TAGLN3: variants seen among roughly 807,000 people sequenced by gnomAD.
TAGLN3 encodes transgelin-3.
In TAGLN3, 12 loss-of-function variants were observed where a neutral mutation model predicts 25.4. That is an observed-to-expected ratio of 0.47 (90% CI 0.30 to 0.77). TAGLN3 has a LOEUF of 0.77. Ranked by LOEUF, TAGLN3 falls within the 30% of genes least tolerant of loss-of-function variation. The pLI, the probability that TAGLN3 is intolerant of heterozygous loss-of-function variation, is 0.06. For synonymous variants in TAGLN3, 96 were observed against 94.8 expected (o/e 1.01, Z -0.08); for missense variants, 218 against 255.8 (o/e 0.85, Z 1.01).
Position 112,000,937 on chromosome 3 carries a change from C to G in TAGLN3, c.346C>G (p.Leu116Val). Reference protein sequence around the residue: ...RTTDIFQTVDLWEGKDMAAVQ... With the variant: ...RTTDIFQTVDVWEGKDMAAVQ... ...CACCGACATCTTTCAGACGGTGGAT[C>G]TATGGGAAGGTAAACAGCCCCCTGG... Residue 116 changes from leucine (L) to valine (V), a missense_variant, in exon 3 of 5, where the codon CTA becomes GTA. By Grantham distance (32) the Leu-to-Val change is conservative (BLOSUM62 1). Transcript: ENST00000478951. 4.3e-6 allele frequency: 7 copies of G among 1,613,862 alleles called. No homozygotes were observed. The highest frequency in any genetic ancestry group is 5.9e-6 in the Non-Finnish European group (7 of 1,179,932).
intron 3 of TAGLN3, among the ~76,000 whole-genome samples, chr3:112,004,181 G>C (rs2072891848): frequency 1.3e-5 from 2 of 149,308 alleles, no homozygotes; most frequent in East Asian, 4.0e-4. Flanking sequence ...GGAATGGAAG[G>C]GGCCTGGGAA....
intron 3 of TAGLN3, among the ~76,000 whole-genome samples, chr3:112,005,702 C>T (rs7639148): frequency 0.27 from 7,991 of 29,952 alleles, 2,011 homozygotes; most frequent in Middle Eastern, 0.45. Flanking sequence ...TCTTTTTTTT[C>T]TTTTTTTTTT....
rs759725437 is a variant in TAGLN3 at position 112,013,467 on chromosome 3, C to G, written c.516C>G (p.Asn172Lys). The change falls in exon 5 of 5, where the codon AAC (asparagine) becomes AAG (lysine). Residue 172 changes from asparagine (N) to lysine (K), a missense_variant. By Grantham distance (94) the Asn-to-Lys change is moderately conservative. Coordinates refer to ENST00000478951, the MANE Select transcript of TAGLN3 (RefSeq NM_001008272.2). ...FSEEQLRQGQ[N>K]VIGLQMGSNK... ...AGGAGCAGCTTCGCCAGGGACAGAA[C>G]GTAATAGGCCTGCAGATGGGCAGCA... 1.9e-6 allele frequency: 3 copies of G among 1,614,166 alleles called. No homozygotes were observed. Among genetic ancestry groups the G allele is most frequent in the East Asian group, 4.5e-5 (2 of 44,872 alleles).
intron 3 of TAGLN3, among the ~76,000 whole-genome samples, chr3:112,011,532 G>A (rs546345618): frequency 6.6e-4 from 101 of 152,250 alleles, no homozygotes; most frequent in African/African-American, 2.3e-3. Flanking sequence ...TGGTATCTCT[G>A]GTATGTACCA....
chr3:112,003,247 T>C (rs1295131499), intron 3 of TAGLN3, among the ~76,000 whole-genome samples: 1 of 152,002 alleles, frequency 6.6e-6, no homozygotes, highest in Non-Finnish European at 1.5e-5. Flanking sequence ...GGGAGATTCA[T>C]TATAAGTTGG....
chr3:112,011,321 C>A (rs2072974738), intron 3 of TAGLN3, among the ~76,000 whole-genome samples: 1 of 152,212 alleles, frequency 6.6e-6, no homozygotes, highest in Non-Finnish European at 1.5e-5. Context: ...CACACACAAG[C>A]CAGTTGTTTA....
intron 3 of TAGLN3, among the ~76,000 whole-genome samples, chr3:112,007,577 C>T (rs895429792): frequency 2.0e-5 from 3 of 152,158 alleles, no homozygotes; most frequent in East Asian, 1.9e-4. Flanking sequence ...AGAAAATTCC[C>T]GACACTTAGT....
At chr3:112,000,150 C>T (rs2072839478) in intron 2 of TAGLN3, among the ~76,000 whole-genome samples, 1 of 152,152 alleles carries the variant, frequency 6.6e-6, no homozygotes, top group East Asian at 1.9e-4. Flanking sequence ...GGTTTGAGGG[C>T]CGCAGGCTCT....
intron 3 of TAGLN3, among the ~76,000 whole-genome samples, chr3:112,001,993 G>C (rs1281787278): frequency 6.6e-6 from 1 of 152,208 alleles, no homozygotes; most frequent in Non-Finnish European, 1.5e-5. Context: ...AGCTGGCATT[G>C]CATGTTTCCC....
At chr3:112,007,432 G>A (rs1381566836) in intron 3 of TAGLN3, among the ~76,000 whole-genome samples, 1 of 152,056 alleles carries the variant, frequency 6.6e-6, no homozygotes, top group Non-Finnish European at 1.5e-5. Context: ...GGCAACCACT[G>A]ATCTTTTTAC....
intron 4 of TAGLN3, among the ~76,000 whole-genome samples, chr3:112,013,007 A>T (rs1049500221): frequency 2.6e-5 from 4 of 152,162 alleles, no homozygotes; most frequent in Non-Finnish European, 5.9e-5. Context: ...GAAGTCTGAG[A>T]TGGCCTAAAG....
intron 1 of TAGLN3, 98 bp downstream of exon 1, chr3:111,999,212 T>C: frequency 3.7e-6 from 2 of 537,466 alleles, no homozygotes; most frequent in Non-Finnish European, 6.5e-6. Context: ...CTAGAGTTAC[T>C]GGCGGGTAGC....
intron 4 of TAGLN3, among the ~76,000 whole-genome samples, chr3:112,013,069 A>G (rs1387769025): frequency 6.6e-6 from 1 of 152,286 alleles, no homozygotes; most frequent in East Asian, 1.9e-4. Context: ...AAAAGCTGAG[A>G]GTGAATTCCC....
At chr3:112,001,254 C>T (rs1462011902) in intron 3 of TAGLN3, among the ~76,000 whole-genome samples, 3 of 152,180 alleles carry the variant, frequency 2.0e-5, no homozygotes, top group African/African-American at 4.8e-5. Context: ...ACTCCCATAA[C>T]AAATCACAGC....
intron 3 of TAGLN3, among the ~76,000 whole-genome samples, chr3:112,005,722 T>C (rs1467079268): frequency 5.1e-5 from 7 of 136,002 alleles, no homozygotes; most frequent in South Asian, 2.4e-4. Context: ...TTTTTTGAGA[T>C]GGAGTCTCAC....
At chr3:112,006,118 C>T (rs1029909304) in intron 3 of TAGLN3, among the ~76,000 whole-genome samples, 4 of 152,076 alleles carry the variant, frequency 2.6e-5, no homozygotes, top group South Asian at 4.1e-4. Flanking sequence ...TGGCTGCTGA[C>T]GATTGTATTT....
chr3:112,001,031 C>T (rs56349556), intron 3 of TAGLN3, 85 bp downstream of exon 3: 29,706 of 1,271,132 alleles, frequency 0.023, 429 homozygotes, highest in Non-Finnish European at 0.029. Flanking sequence ...CAGTGTTCTT[C>T]CCTGTGCCGA....
intron 2 of TAGLN3, 33 bp downstream of exon 2, chr3:111,999,635 G>T: frequency 6.2e-7 from 1 of 1,605,698 alleles, no homozygotes; most frequent in Non-Finnish European, 8.5e-7. Context: ...TTGCTGGGGC[G>T]GTGGGCAGGG....
At chr3:112,002,502 T>C (rs1333848276) in intron 3 of TAGLN3, among the ~76,000 whole-genome samples, 2 of 152,004 alleles carry the variant, frequency 1.3e-5, no homozygotes, top group Non-Finnish European at 2.9e-5. Flanking sequence ...ACACCGTGAG[T>C]GTGCTGTTGA....
Sources: allele counts gnomAD v4.1 joint callset (sites outside exome capture counted in the v4.1 genomes callset), GRCh38; gene constraint gnomAD v4.1.1; transcripts MANE v1.5; gene names NCBI Gene and HGNC (gene_info 2026-07-23, HGNC 2026-07-21).